The following FBXL17 variants were observed in gnomAD, a reference collection of about 807,000 sequenced individuals.
The protein encoded by FBXL17 is F-box and leucine rich repeat protein 17.
In FBXL17, 22 loss-of-function variants were observed where a neutral mutation model predicts 66.2. The observed-to-expected ratio is 0.33, with a 90% confidence interval of 0.24 to 0.47. FBXL17 has a LOEUF of 0.47. Ranked by LOEUF, FBXL17 falls within the 20% of genes least tolerant of loss-of-function variation. FBXL17 has a pLI of 1.00. For synonymous variants in FBXL17, 474 were observed against 400.5 expected, an observed-to-expected ratio of 1.18 and a Z score of -2.19; for missense variants, 878 against 948.2, an observed-to-expected ratio of 0.93 and a Z score of 0.97.
chr5:108,192,805 G>T (rs907699450), intron 5 of FBXL17, among the ~76,000 whole-genome samples: 3 of 151,996 alleles, frequency 2.0e-5, no homozygotes, highest in African/African-American at 7.2e-5. Context: ...AAGAAAGAAA[G>T]AAAAGAAAAG....
chr5:108,296,431 A>G (rs557805258), intron 4 of FBXL17, among the ~76,000 whole-genome samples: 1 of 151,924 alleles, frequency 6.6e-6, no homozygotes, highest in Admixed American at 6.6e-5. Context: ...ATTTATAACT[A>G]TTTTCTTGCT....
intron 6 of FBXL17, among the ~76,000 whole-genome samples, chr5:108,039,665 T>G (rs1179139840): frequency 6.6e-6 from 1 of 152,170 alleles, no homozygotes; most frequent in Non-Finnish European, 1.5e-5. Context: ...AGTATATAAC[T>G]GGATATCAGC....
chr5:107,967,093 A>G (rs1010088392), intron 7 of FBXL17, among the ~76,000 whole-genome samples: 3 of 152,092 alleles, frequency 2.0e-5, no homozygotes, highest in Admixed American at 1.3e-4. Context: ...TTAATTATCT[A>G]CCCAAGGTAC....
chr5:108,232,791 A>ATATATATATATATAT (rs1482414017), intron 4 of FBXL17, among the ~76,000 whole-genome samples: 1 of 114,962 alleles, frequency 8.7e-6, no homozygotes, highest in African/African-American at 3.1e-5. Context: ...ACATATATAT[A>ATATATATATATATAT]TATATATATA....
chr5:108,323,692 A>G (rs1759724305), intron 4 of FBXL17, among the ~76,000 whole-genome samples: 1 of 152,084 alleles, frequency 6.6e-6, no homozygotes, highest in Non-Finnish European at 1.5e-5. Flanking sequence ...CTGATTCCAA[A>G]ACTTATCACA....
intron 7 of FBXL17, among the ~76,000 whole-genome samples, chr5:107,888,063 C>CATT (rs1225627419): frequency 1.3e-5 from 2 of 152,184 alleles, no homozygotes; most frequent in African/African-American, 4.8e-5. Context: ...CATTTTTATA[C>CATT]ATTATTATAT....
intron 6 of FBXL17, among the ~76,000 whole-genome samples, chr5:108,031,396 T>C (rs1286962741): frequency 6.6e-6 from 1 of 152,080 alleles, no homozygotes. Context: ...GGCATTCATA[T>C]AATTCAGACC....
chr5:107,940,364 G>C (rs1417812028), intron 7 of FBXL17, among the ~76,000 whole-genome samples: 1 of 152,042 alleles, frequency 6.6e-6, no homozygotes, highest in Admixed American at 6.6e-5. Flanking sequence ...CAGTTTTTTG[G>C]AGGAGGGGGA....
intron 6 of FBXL17, among the ~76,000 whole-genome samples, chr5:108,098,906 A>G (rs916456775): frequency 2.0e-5 from 3 of 152,184 alleles, no homozygotes; most frequent in Non-Finnish European, 2.9e-5. Context: ...CATCACTAAT[A>G]ACTTCTTAGC....
At chr5:107,877,731 C>T (rs1748656101) in intron 8 of FBXL17, among the ~76,000 whole-genome samples, 1 of 151,934 alleles carries the variant, frequency 6.6e-6, no homozygotes, top group African/African-American at 2.4e-5. Flanking sequence ...TTCCCTGCCT[C>T]CTCCACTGGC....
At chr5:108,308,460 A>G (rs1437605971) in intron 4 of FBXL17, among the ~76,000 whole-genome samples, 1 of 152,158 alleles carries the variant, frequency 6.6e-6, no homozygotes, top group East Asian at 1.9e-4. Context: ...AATTCAAACC[A>G]GTACTATCGT....
chr5:108,243,227 T>C lies in FBXL17; in HGVS notation c.1507-18999A>G, dbSNP rs182481375. On this transcript the variant is annotated intron_variant, in intron 4 of 8. Transcript: ENST00000542267. ...GATCTGTCCCTATTAAAAAGACCTATGATAAGTTAAATACGACCTAACCAC... is the reference window on the plus strand; with the variant it reads ...GATCTGTCCCTATTAAAAAGACCTACGATAAGTTAAATACGACCTAACCAC... 2.2e-3 allele frequency among the ~76,000 whole-genome samples: 342 copies of C among 152,296 alleles called. 1 individual carries two copies. Among genetic ancestry groups the C allele is most frequent in the Non-Finnish European group, 3.7e-3 (249 of 67,998 alleles).
chr5:108,214,853 T>C (rs1424638217), intron 5 of FBXL17, among the ~76,000 whole-genome samples: 3 of 152,346 alleles, frequency 2.0e-5, no homozygotes, highest in Non-Finnish European at 4.4e-5. Context: ...TTGAGTGACG[T>C]GTGCAACCAT....
chr5:108,239,438 C>T (rs1157773329), intron 4 of FBXL17, among the ~76,000 whole-genome samples: 1 of 152,168 alleles, frequency 6.6e-6, no homozygotes, highest in East Asian at 1.9e-4. Context: ...TGCATTGGAA[C>T]TCAGTGCTTC....
At chr5:108,377,378 A>G (rs914628884) in intron 1 of FBXL17, among the ~76,000 whole-genome samples, 3 of 152,246 alleles carry the variant, frequency 2.0e-5, no homozygotes, top group Admixed American at 6.5e-5. Flanking sequence ...ACTAGCAAAT[A>G]CATGGTTTTT....
At chr5:108,012,094 C>G (rs1212156310) in intron 7 of FBXL17, among the ~76,000 whole-genome samples, 1 of 152,150 alleles carries the variant, frequency 6.6e-6, no homozygotes, top group Non-Finnish European at 1.5e-5. Flanking sequence ...GAGAAGTCAT[C>G]TGCAATGGGG....
At chr5:108,283,967 C>T (rs1225433476) in intron 4 of FBXL17, among the ~76,000 whole-genome samples, 2 of 151,816 alleles carry the variant, frequency 1.3e-5, no homozygotes, top group Non-Finnish European at 2.9e-5. Flanking sequence ...CAGAGAAATG[C>T]AAAGCAAAAC....
At chr5:108,047,109 C>CGCTGG (rs1747280806) in intron 6 of FBXL17, among the ~76,000 whole-genome samples, 1 of 152,182 alleles carries the variant, frequency 6.6e-6, no homozygotes, top group African/African-American at 2.4e-5. Context: ...ACGCTGGCAA[C>CGCTGG]CAAGGTATCA....
intron 6 of FBXL17, among the ~76,000 whole-genome samples, chr5:108,116,880 G>C (rs969326138): frequency 6.6e-6 from 1 of 151,892 alleles, no homozygotes; most frequent in African/African-American, 2.4e-5. Flanking sequence ...GTAATTCTCT[G>C]CCCTATAGGT....
Sources: allele counts gnomAD v4.1 joint callset (sites outside exome capture counted in the v4.1 genomes callset), GRCh38; gene constraint gnomAD v4.1.1; transcripts MANE v1.5; gene names NCBI Gene and HGNC (gene_info 2026-07-23, HGNC 2026-07-21).